ZNF804B: variants seen among roughly 807,000 people sequenced by gnomAD.
ZNF804B encodes the protein zinc finger 804B.
Under a neutral mutation model 101.4 loss-of-function variants are expected in ZNF804B, and 80 were observed. The observed-to-expected ratio is 0.79, with a 90% CI of 0.66 to 0.95. ZNF804B has a LOEUF of 0.95. Ranked by LOEUF, ZNF804B falls within the 40% of genes least tolerant of loss-of-function variation. ZNF804B has a pLI of 0.00. For synonymous variants in ZNF804B, 622 were observed against 558.8 expected (o/e 1.11, Z -1.59); for missense variants, 1,673 against 1,561.9 (o/e 1.07, Z -1.20).
chr7:88,855,954 A>G (rs1389561265), intron 1 of ZNF804B, among the ~76,000 whole-genome samples: 5 of 152,092 alleles, frequency 3.3e-5, no homozygotes, highest in African/African-American at 1.2e-4. Flanking sequence ...ATTCTGTTCC[A>G]TTGATCTATA....
At chr7:88,984,850 T>A (rs1286467376) in intron 1 of ZNF804B, among the ~76,000 whole-genome samples, 2 of 152,042 alleles carry the variant, frequency 1.3e-5, no homozygotes, top group Non-Finnish European at 2.9e-5. Flanking sequence ...TCAATGGTAA[T>A]CTTGAGGACA....
intron 1 of ZNF804B, among the ~76,000 whole-genome samples, chr7:88,904,815 A>C (rs148673420): frequency 5.3e-4 from 81 of 152,316 alleles, no homozygotes; most frequent in Non-Finnish European, 9.0e-4. Context: ...CTGGAACATT[A>C]CAAAAGATGT....
In ZNF804B at chr7:89,056,746, A is replaced by G. The variant is rs574964141; in HGVS notation, c.109-161409A>G. Among the ~76,000 whole-genome samples the G allele has an allele frequency of 7.7e-4, 117 of 152,180 alleles. 1 individual carries two copies. In the South Asian group the frequency reaches 0.018, roughly 24 times the overall value. ...TGCCTAATTCCTGAAATCACCACAT[A>G]CCTCTAAGCAGATAGGAGTGGGGGA... On this transcript the variant is annotated intron_variant, in intron 1 of 3. Transcript: ENST00000333190.
At chr7:89,234,560 G>C (rs1387282813) in intron 2 of ZNF804B, among the ~76,000 whole-genome samples, 3 of 152,142 alleles carry the variant, frequency 2.0e-5, no homozygotes, top group African/African-American at 7.2e-5. Flanking sequence ...GGGTATGTCA[G>C]TGAGGGCATT....
chr7:89,287,884 C>CTT (rs1790230934), intron 2 of ZNF804B, among the ~76,000 whole-genome samples: 3 of 151,498 alleles, frequency 2.0e-5, no homozygotes, highest in Admixed American at 1.3e-4. Flanking sequence ...AAGCCTAAAA[C>CTT]TAAGTCTCAA....
intron 1 of ZNF804B, among the ~76,000 whole-genome samples, chr7:88,830,081 G>A (rs745653831): frequency 1.3e-5 from 2 of 152,090 alleles, no homozygotes; most frequent in African/African-American, 4.8e-5. Flanking sequence ...TTTGTTTAGG[G>A]AGTGTGCTCA....
At chr7:88,929,970 T>A (rs1792859029) in intron 1 of ZNF804B, among the ~76,000 whole-genome samples, 1 of 151,988 alleles carries the variant, frequency 6.6e-6, no homozygotes, top group Non-Finnish European at 1.5e-5. Context: ...AAATTTAGAT[T>A]GTTTTTAAAG....
At chr7:88,835,320 T>C (rs2115792396) in intron 1 of ZNF804B, among the ~76,000 whole-genome samples, 1 of 151,970 alleles carries the variant, frequency 6.6e-6, no homozygotes, top group Non-Finnish European at 1.5e-5. Context: ...TGCCCCCTTG[T>C]GTCGATATAT....
chr7:89,088,572 C>A (rs1311338031), intron 1 of ZNF804B, among the ~76,000 whole-genome samples: 16 of 149,506 alleles, frequency 1.1e-4, no homozygotes, highest in African/African-American at 4.0e-4. Context: ...TAGGTCCTTG[C>A]ACTTGCCTTG....
At chr7:88,895,817 C>T (rs1267272227) in intron 1 of ZNF804B, among the ~76,000 whole-genome samples, 2 of 152,090 alleles carry the variant, frequency 1.3e-5, no homozygotes, top group South Asian at 2.1e-4. Context: ...TGGATTATAA[C>T]CAAAAGTGTA....
intron 2 of ZNF804B, among the ~76,000 whole-genome samples, chr7:89,268,615 G>A (rs1334008713): frequency 2.0e-5 from 3 of 151,150 alleles, no homozygotes; most frequent in Non-Finnish European, 2.9e-5. Flanking sequence ...AAAACAGAGC[G>A]CAAATTTAAG....
At chr7:88,829,657 T>C (rs1379290084) in intron 1 of ZNF804B, among the ~76,000 whole-genome samples, 1 of 152,102 alleles carries the variant, frequency 6.6e-6, no homozygotes, top group Non-Finnish European at 1.5e-5. Context: ...GTTGGAAGTG[T>C]GTTATGTTAG....
intron 1 of ZNF804B, among the ~76,000 whole-genome samples, chr7:89,124,350 TG>T (rs373311704): frequency 2.0e-3 from 297 of 152,258 alleles, no homozygotes; most frequent in African/African-American, 7.0e-3. Flanking sequence ...ATCATGGTGA[TG>T]GGGATACAAG....
At chr7:88,820,242 A>G (rs1443955886) in intron 1 of ZNF804B, among the ~76,000 whole-genome samples, 1 of 152,204 alleles carries the variant, frequency 6.6e-6, no homozygotes, top group Non-Finnish European at 1.5e-5. Flanking sequence ...TTCTACAAAA[A>G]TATGTTTGAG....
At chr7:89,133,552 G>C (rs1790583613) in intron 1 of ZNF804B, among the ~76,000 whole-genome samples, 1 of 151,938 alleles carries the variant, frequency 6.6e-6, no homozygotes. Flanking sequence ...ACCTTGTATT[G>C]CATTTCACTT....
chr7:88,975,706 C>A (rs746802778), intron 1 of ZNF804B, among the ~76,000 whole-genome samples: 3 of 151,540 alleles, frequency 2.0e-5, no homozygotes, highest in African/African-American at 7.3e-5. Flanking sequence ...GCAAGTTATT[C>A]TCCCAATCTG....
intron 1 of ZNF804B, among the ~76,000 whole-genome samples, chr7:88,762,108 A>C (rs1789906897): frequency 6.6e-6 from 1 of 152,158 alleles, no homozygotes; most frequent in Non-Finnish European, 1.5e-5. Context: ...CTACACTTTG[A>C]CTCACTGGAA....
chr7:89,134,816 A>G (rs1426544642), intron 1 of ZNF804B, among the ~76,000 whole-genome samples: 1 of 142,612 alleles, frequency 7.0e-6, no homozygotes, highest in Non-Finnish European at 1.6e-5. Context: ...ATAACCAAAC[A>G]TCCTGTTTTT....
chr7:88,759,736 C>T lies in ZNF804B; in HGVS notation c.-241C>T, dbSNP rs977316856. ...CAGAGCAGCATGTGGACTGGCTCGC[C>T]GGGTCCCCTCCGTGCTCTGTGCTGT... On this transcript the variant is annotated 5_prime_UTR_variant, in exon 1 of 4. Coordinates refer to ENST00000333190, the MANE Select transcript of ZNF804B (RefSeq NM_181646.5). The T allele has an allele frequency of 2.8e-5, 15 of 542,950 alleles. No individual in the cohort carries two copies. Among genetic ancestry groups the T allele is most frequent in the Non-Finnish European group, 4.6e-5 (14 of 301,868 alleles). The allele number at this position is 542,950 out of a possible 1,614,324, so 33.6% of individuals were successfully genotyped here.
Sources: allele counts gnomAD v4.1 joint callset (sites outside exome capture counted in the v4.1 genomes callset), GRCh38; gene constraint gnomAD v4.1.1; transcripts MANE v1.5; gene names NCBI Gene and HGNC (gene_info 2026-07-23, HGNC 2026-07-21).